The following NHSL3 variants were observed in gnomAD, a reference collection of about 807,000 sequenced individuals.
NHSL3 encodes NHS like 3.
the NHSL3 span, among the ~76,000 whole-genome samples, chr1:32,756,930 C>T: frequency 6.6e-6 from 1 of 151,808 alleles, no homozygotes; most frequent in Non-Finnish European, 1.5e-5. Flanking sequence ...GATTGCGCCA[C>T]TGCACTCCAG....
the NHSL3 span, among the ~76,000 whole-genome samples, chr1:32,752,901 GCA>G: frequency 2.1e-3 from 148 of 71,634 alleles, 1 homozygote; most frequent in African/African-American, 6.7e-3. Context: ...AAAAAAACAT[GCA>G]CACACACACA....
At chr1:32,743,409 C>T in the NHSL3 span, among the ~76,000 whole-genome samples, 1 of 152,194 alleles carries the variant, frequency 6.6e-6, no homozygotes, top group Non-Finnish European at 1.5e-5. Context: ...CACAGCCACA[C>T]ATAGAAGTGA....
At chr1:32,742,865 G>C in the NHSL3 span, among the ~76,000 whole-genome samples, 1 of 152,212 alleles carries the variant, frequency 6.6e-6, no homozygotes, top group African/African-American at 2.4e-5. Flanking sequence ...GCCAGTGTCG[G>C]AAGTGTGCTT....
the NHSL3 span, chr1:32,765,621 C>T: frequency 2.0e-5 from 30 of 1,521,552 alleles, no homozygotes; most frequent in Admixed American, 4.0e-5. Context: ...AGAGCAGCCC[C>T]TCCCCCTCCT....
chr1:32,752,967 A>T, the NHSL3 span, among the ~76,000 whole-genome samples: 3 of 51,864 alleles, frequency 5.8e-5, no homozygotes, highest in Admixed American at 2.4e-4. Flanking sequence ...ATATATATAT[A>T]TTTTGGTTTT....
the NHSL3 span, among the ~76,000 whole-genome samples, chr1:32,756,657 C>CAAAAA: frequency 8.0e-5 from 4 of 49,960 alleles, no homozygotes; most frequent in African/African-American, 1.7e-4. Context: ...ACCCTGTCTC[C>CAAAAA]AAAAAAAAAA....
the NHSL3 span, among the ~76,000 whole-genome samples, chr1:32,764,628 A>G: frequency 2.0e-5 from 3 of 151,896 alleles, no homozygotes; most frequent in Non-Finnish European, 4.4e-5. Flanking sequence ...CCACCACACC[A>G]AGCTAATTTT....
the NHSL3 span, chr1:32,742,034 C>T: frequency 3.2e-6 from 4 of 1,257,348 alleles, no homozygotes; most frequent in East Asian, 3.2e-5. Context: ...AGGAAGAAGT[C>T]CCGCTCCGGC....
At chr1:32,747,591 C>G in the NHSL3 span, among the ~76,000 whole-genome samples, 1 of 152,108 alleles carries the variant, frequency 6.6e-6, no homozygotes, top group Non-Finnish European at 1.5e-5. Flanking sequence ...GAGATGGGAG[C>G]TGTGTCCAGG....
At chr1:32,770,392 C>A in the NHSL3 span, 10 of 1,607,820 alleles carry the variant, frequency 6.2e-6, no homozygotes, top group Non-Finnish European at 8.5e-6. This position sits in a 1 kb window ranked among gnomAD's most constrained non-coding sequence, Gnocchi z 8.3. Context: ...CCCACAGCCC[C>A]GCAGCCGCCA....
chr1:32,756,296 T>C, the NHSL3 span, among the ~76,000 whole-genome samples: 3 of 152,048 alleles, frequency 2.0e-5, no homozygotes, highest in Non-Finnish European at 4.4e-5. Flanking sequence ...AAATTGTTGG[T>C]TAAATGAGAG....
the NHSL3 span, chr1:32,773,941 G>A: frequency 1.3e-5 from 2 of 152,856 alleles, no homozygotes; most frequent in Middle Eastern, 3.4e-3. Flanking sequence ...AGCTAACGCT[G>A]AGTGACAAGG....
At chr1:32,749,473 A>G in the NHSL3 span, among the ~76,000 whole-genome samples, 1 of 151,984 alleles carries the variant, frequency 6.6e-6, no homozygotes, top group Non-Finnish European at 1.5e-5. Context: ...ATGGCCCGAG[A>G]TGTCATAGGG....
the NHSL3 span, among the ~76,000 whole-genome samples, chr1:32,766,207 C>T: frequency 6.6e-6 from 1 of 152,108 alleles, no homozygotes; most frequent in East Asian, 1.9e-4. Flanking sequence ...AGAGTAGTAC[C>T]ACTGGAAGTT....
At chr1:32,765,571 G>GATGGGC in the NHSL3 span, 1 of 1,453,188 alleles carries the variant, frequency 6.9e-7, no homozygotes. Context: ...GGGGTCGGCA[G>GATGGGC]ATGGGCGGGA....
chr1:32,758,620 G>C, the NHSL3 span, among the ~76,000 whole-genome samples: 1 of 152,028 alleles, frequency 6.6e-6, no homozygotes, highest in Non-Finnish European at 1.5e-5. Context: ...AGGGATCTGA[G>C]ATAAGCGGAA....
the NHSL3 span, among the ~76,000 whole-genome samples, chr1:32,743,999 CT>C: frequency 1.3e-5 from 2 of 152,204 alleles, no homozygotes; most frequent in African/African-American, 4.8e-5. Flanking sequence ...GGCCCAACTT[CT>C]TTTCTGTTTA....
the NHSL3 span, chr1:32,742,239 G>A: frequency 8.1e-7 from 1 of 1,238,302 alleles, no homozygotes; most frequent in Non-Finnish European, 1.0e-6. Context: ...CGAGGGTGCG[G>A]CCGAGGGGGC....
the NHSL3 span, chr1:32,754,032 C>T: frequency 3.6e-6 from 2 of 554,804 alleles, no homozygotes; most frequent in African/African-American, 4.0e-5. Flanking sequence ...GGCTGCGGGC[C>T]CGGCGGCCGG....
Sources: gnomAD v4.1 joint callset for allele counts (sites outside exome capture counted in the v4.1 genomes callset) on GRCh38, gnomAD v4.1.1 for gene constraint, Gnocchi (gnomAD v3.1) non-coding constraint, MANE v1.5 for transcripts, NCBI Gene and HGNC (gene_info 2026-07-23, HGNC 2026-07-21) for gene names.